The following RBFOX3 variants were observed in gnomAD, a reference collection of about 807,000 sequenced individuals.
RBFOX3 encodes the protein RNA binding protein fox-1 homolog 3.
A neutral mutation model predicts 48.7 loss-of-function variants in RBFOX3; 17 were observed. That is an observed-to-expected ratio of 0.35 (90% CI 0.24 to 0.52). The LOEUF (loss-of-function observed/expected upper bound fraction) is 0.52. RBFOX3 is among the 20% of genes least tolerant of loss of function. RBFOX3 has a pLI of 0.94. For missense variants in RBFOX3, 382 were observed against 497.5 expected (o/e 0.77, Z 2.21); for synonymous variants, 212 against 209.5 (o/e 1.01, Z -0.10).
intron 2 of RBFOX3, among the ~76,000 whole-genome samples, chr17:79,373,906 T>C (rs530601926): frequency 1.3e-5 from 2 of 152,316 alleles, no homozygotes; most frequent in Admixed American, 6.5e-5. Context: ...TCGCCCAGGC[T>C]GGTGTGCAGT....
the RBFOX3 span, among the ~76,000 whole-genome samples, chr17:79,647,738 G>A: frequency 6.6e-6 from 1 of 152,094 alleles, no homozygotes; most frequent in African/African-American, 2.4e-5. Flanking sequence ...TGTGGCTCAG[G>A]GCTTCGATCC....
rs1054310094 is a variant in RBFOX3, at chr17:79,505,563, G to A, written c.-319-22965C>T. Among the ~76,000 whole-genome samples, 8 of 152,276 alleles carry A rather than the reference G, an allele frequency of 5.3e-5. No individual in the cohort carries two copies. The South Asian group carries it at 6.2e-4, about 12-fold the overall frequency. On this transcript the variant is annotated intron_variant, in intron 1 of 14. Transcript: ENST00000693108. ...GTGCTTGCCCTTAGATACTGATGGC[G>A]GAGTCTGCTTCTGGGAAAAGCCAAA...
At chr17:79,381,930 T>C (rs1340713180) in intron 2 of RBFOX3, among the ~76,000 whole-genome samples, 2 of 152,096 alleles carry the variant, frequency 1.3e-5, no homozygotes, top group Non-Finnish European at 2.9e-5. Context: ...CGAAACCCGG[T>C]GTCACCATCA....
At chr17:79,368,430 G>A (rs892007375) in intron 2 of RBFOX3, among the ~76,000 whole-genome samples, 1 of 152,252 alleles carries the variant, frequency 6.6e-6, no homozygotes, top group Non-Finnish European at 1.5e-5. Context: ...TATTTGAACT[G>A]TGTTCATTTC....
At chr17:79,256,947 AC>A (rs1438073049) in intron 3 of RBFOX3, among the ~76,000 whole-genome samples, 5 of 61,206 alleles carry the variant, frequency 8.2e-5, no homozygotes, top group South Asian at 9.6e-4. Context: ...ACAAAACAAA[AC>A]AAAAAAAAAA....
chr17:79,190,429 A>AACAAAAAAACTAT (rs1555596652), intron 4 of RBFOX3, among the ~76,000 whole-genome samples: 1 of 59,564 alleles, frequency 1.7e-5, no homozygotes, highest in East Asian at 4.7e-4. Flanking sequence ...AAAAAAAAAA[A>AACAAAAAAACTAT]AACAAAAAAA....
intron 1 of RBFOX3, among the ~76,000 whole-genome samples, chr17:79,531,460 A>T (rs921541484): frequency 6.6e-6 from 1 of 152,228 alleles, no homozygotes; most frequent in Non-Finnish European, 1.5e-5. Flanking sequence ...AGCACCCTGT[A>T]AATTTAGAAC....
chr17:79,429,360 C>A (rs2067998733), intron 2 of RBFOX3, among the ~76,000 whole-genome samples: 2 of 152,188 alleles, frequency 1.3e-5, no homozygotes, highest in Non-Finnish European at 2.9e-5. Flanking sequence ...ACAGAGGAAA[C>A]CGGAAGAAGA....
At chr17:79,494,170 G>A (rs954476977) in intron 1 of RBFOX3, among the ~76,000 whole-genome samples, 7 of 152,240 alleles carry the variant, frequency 4.6e-5, no homozygotes, top group South Asian at 4.2e-4. Flanking sequence ...AGTGGCCACC[G>A]TATTTCCTTC....
the RBFOX3 span, among the ~76,000 whole-genome samples, chr17:79,622,945 C>T: frequency 6.6e-6 from 1 of 152,188 alleles, no homozygotes; most frequent in Non-Finnish European, 1.5e-5. Flanking sequence ...CCATCAGCCA[C>T]AGGCCCCATC....
rs1441677296 is a variant in RBFOX3, at chr17:79,242,079, G to A, written c.-73-6274C>T. Reference sequence around the variant, plus strand: ...CATGTTTTCCTAAATGTGCAGTGACGGTGCTTGGACCTAGTTTATGGTCAG... The same window carrying A: ...CATGTTTTCCTAAATGTGCAGTGACAGTGCTTGGACCTAGTTTATGGTCAG... On this transcript the variant is annotated intron_variant, in intron 3 of 14. Coordinates refer to ENST00000693108, the MANE Select transcript of RBFOX3 (RefSeq NM_001350451.2). The surrounding 1 kb of genome is among the most constrained non-coding windows in gnomAD (Gnocchi z 5.8). Among the ~76,000 whole-genome samples the A allele has an allele frequency of 1.3e-5, 2 of 152,154 alleles. No individual in the cohort carries two copies. Among genetic ancestry groups the A allele is most frequent in the African/African-American group, 2.4e-5 (1 of 41,422 alleles).
intron 2 of RBFOX3, among the ~76,000 whole-genome samples, chr17:79,462,420 G>A (rs182672731): frequency 3.3e-5 from 5 of 152,362 alleles, no homozygotes; most frequent in African/African-American, 9.6e-5. Flanking sequence ...TCAATGCTTA[G>A]GAAGGCATAG....
At chr17:79,240,921 C>T (rs2062268302) in intron 3 of RBFOX3, among the ~76,000 whole-genome samples, 1 of 152,046 alleles carries the variant, frequency 6.6e-6, no homozygotes, top group African/African-American at 2.4e-5. Context: ...ACCTCGGCCT[C>T]CCAAAGTGCT....
chr17:79,128,627 C>G (rs1364582118), intron 4 of RBFOX3, among the ~76,000 whole-genome samples: 1 of 152,174 alleles, frequency 6.6e-6, no homozygotes, highest in East Asian at 1.9e-4. Flanking sequence ...CGGATGAGAG[C>G]AGAGGCCCCT....
chr17:79,097,757 GCA>G lies in RBFOX3; in HGVS notation c.569-14_569-13del. 3 of 1,551,278 alleles carry G rather than the reference GCA, an allele frequency of 1.9e-6. No homozygotes were observed. Among genetic ancestry groups the G allele is most frequent in the Non-Finnish European group, 2.6e-6 (3 of 1,146,842 alleles). On this transcript the variant is annotated splice_polypyrimidine_tract_variant and intron_variant, in intron 9 of 14. Coordinates refer to ENST00000693108, the MANE Select transcript of RBFOX3 (RefSeq NM_001350451.2). Reference sequence around the variant, plus strand: ...ATTTAGCTTCCAGCCTAAAACAAAGGCACAGAGACCTAGTCACTGCCTTCCCC... The same window carrying G: ...ATTTAGCTTCCAGCCTAAAACAAAGGCAGAGACCTAGTCACTGCCTTCCCC...
At chr17:79,532,207 G>GGT (rs2087906750) in intron 1 of RBFOX3, among the ~76,000 whole-genome samples, 1 of 150,352 alleles carries the variant, frequency 6.7e-6, no homozygotes, top group African/African-American at 2.5e-5. Flanking sequence ...GGAGGGGGGA[G>GGT]GGGAGGAGGA....
chr17:79,342,981 A>G, intron 2 of RBFOX3, among the ~76,000 whole-genome samples: 1 of 104,962 alleles, frequency 9.5e-6, no homozygotes, highest in South Asian at 2.3e-4. Context: ...AGAAAGAGCG[A>G]GAGAGAGAGA....
intron 4 of RBFOX3, among the ~76,000 whole-genome samples, chr17:79,130,904 C>T (rs779033193): frequency 1.3e-5 from 2 of 152,260 alleles, no homozygotes; most frequent in East Asian, 1.9e-4. Flanking sequence ...GATCCAGAGC[C>T]GCCGTGGTGC....
intron 4 of RBFOX3, among the ~76,000 whole-genome samples, chr17:79,188,000 CG>C (rs1478533700): frequency 1.3e-5 from 2 of 152,198 alleles, no homozygotes. Context: ...TATCAGGAGT[CG>C]GGGGCTGCTT....
Sources: gnomAD v4.1 joint callset for allele counts (sites outside exome capture counted in the v4.1 genomes callset) on GRCh38, gnomAD v4.1.1 for gene constraint, Gnocchi (gnomAD v3.1) non-coding constraint, MANE v1.5 for transcripts, NCBI Gene and HGNC (gene_info 2026-07-23, HGNC 2026-07-21) for gene names.